The following ATP13A3 variants were observed in gnomAD, a reference collection of about 807,000 sequenced individuals.
ATP13A3 encodes ATPase 13A3.
A neutral mutation model predicts 158.1 loss-of-function variants in ATP13A3; 59 were observed. That is an observed-to-expected ratio of 0.37 (90% CI 0.30 to 0.46). The LOEUF (loss-of-function observed/expected upper bound fraction) is 0.46, where lower values mean the gene tolerates loss of function less well. Ranked by LOEUF, ATP13A3 falls within the 20% of genes least tolerant of loss-of-function variation. The probability of loss-of-function intolerance (pLI) is 1.00; values close to 1 mark genes in which losing one functional copy is unlikely to be tolerated. For synonymous variants in ATP13A3, 491 were observed against 504.3 expected, an observed-to-expected ratio of 0.97 and a Z score of 0.35; for missense variants, 1,166 against 1,525.2, an observed-to-expected ratio of 0.76 and a Z score of 3.92.
rs1414461117 is a variant in ATP13A3, at chr3:194,468,890, A to AT, written c.-46-6655dup. Among the ~76,000 whole-genome samples, 4 of 152,306 alleles carry AT rather than the reference A, an allele frequency of 2.6e-5. No individual in the cohort carries two copies. The East Asian group carries it at 7.7e-4, about 29-fold the overall frequency. On this transcript the variant is annotated intron_variant, in intron 2 of 33. Coordinates refer to ENST00000645319, the MANE Select transcript of ATP13A3 (RefSeq NM_001367549.1). ...AGTAAAAAACTAAAATTAAAAATGCATTATTCACCGAGGCGGGTGGAATGC... is the reference window on the plus strand; with the variant it reads ...AGTAAAAAACTAAAATTAAAAATGCATTTATTCACCGAGGCGGGTGGAATGC...
At chr3:194,459,192 C>T in intron 6 of ATP13A3, 1 of 369,904 alleles carries the variant, frequency 2.7e-6, no homozygotes, top group South Asian at 3.0e-5. Flanking sequence ...CTCAAAATCA[C>T]TTTGAGGTGA....
chr3:194,481,271 T>C (rs1720737752), intron 2 of ATP13A3, among the ~76,000 whole-genome samples: 1 of 150,996 alleles, frequency 6.6e-6, no homozygotes, highest in South Asian at 2.1e-4. Flanking sequence ...AAACCACCCT[T>C]AGACACATAT....
chr3:194,443,837 A>G (rs1192138142), intron 15 of ATP13A3, among the ~76,000 whole-genome samples: 1 of 152,188 alleles, frequency 6.6e-6, no homozygotes, highest in African/African-American at 2.4e-5. Context: ...AATACACAAT[A>G]TTGAAAAAGA....
At position 194,433,753 on chromosome 3, in the gene ATP13A3, T is replaced by A; in HGVS notation, c.2245+19A>T. 1.9e-6 allele frequency: 3 copies of A among 1,613,158 alleles called. No homozygotes were observed. Among genetic ancestry groups the A allele is most frequent in the Non-Finnish European group, 2.5e-6 (3 of 1,179,680 alleles). ...CTGTCACACTCCATTTGCTTCTGTG[T>A]TCTTTTATAAAGTCTAACCTGTGAC... is the stretch of plus-strand genomic sequence containing the variant. On this transcript the variant is annotated intron_variant, in intron 21 of 33. Coordinates refer to ENST00000645319, the MANE Select transcript of ATP13A3 (RefSeq NM_001367549.1).
chr3:194,421,328 C>T (rs1193190933), intron 30 of ATP13A3, among the ~76,000 whole-genome samples: 10 of 146,212 alleles, frequency 6.8e-5, no homozygotes, highest in African/African-American at 1.8e-4. Flanking sequence ...CCGAGGCGGG[C>T]GGATCACGAG....
chr3:194,455,757 C>T (rs919967016), intron 8 of ATP13A3, 136 bp downstream of exon 8: 5 of 626,068 alleles, frequency 8.0e-6, no homozygotes, highest in South Asian at 2.1e-5. Flanking sequence ...AAATGTCTTC[C>T]GTCTTTACCT....
chr3:194,431,663 C>T, intron 22 of ATP13A3, 54 bp downstream of exon 22: 4 of 1,416,630 alleles, frequency 2.8e-6, no homozygotes, highest in African/African-American at 1.5e-5. Context: ...TTTATTTTTT[C>T]AGACTAAATT....
At chr3:194,461,865 A>C (rs1209149832) in intron 3 of ATP13A3, among the ~76,000 whole-genome samples, 1 of 152,232 alleles carries the variant, frequency 6.6e-6, no homozygotes, top group Non-Finnish European at 1.5e-5. Flanking sequence ...TCTTTTATTT[A>C]GGATTATATT....
chr3:194,452,816 T>C (rs1034106733), intron 10 of ATP13A3: 3 of 152,156 alleles, frequency 2.0e-5, no homozygotes, highest in African/African-American at 7.2e-5. Context: ...GTAAATGAGC[T>C]CCCCTAATAC....
Position 194,459,838 on chromosome 3 carries a change from T to C in ATP13A3, c.359A>G (p.Glu120Gly). 4 of 1,613,474 alleles carry C rather than the reference T, an allele frequency of 2.5e-6. No individual in the cohort carries two copies. Among genetic ancestry groups the C allele is most frequent in the Non-Finnish European group, 3.4e-6 (4 of 1,179,690 alleles). ...TTTACTGATCCTGTGCCTATTTTCT[T>C]CAGTGGGATTCTCAATTAAACAAAC... ...HAVCLIENPT[E>G]ENRHRISKYS... The change falls in exon 5 of 34, where the codon GAA becomes GGA. Residue 120 changes from glutamate (E) to glycine (G), a missense_variant. By Grantham distance (98) the Glu-to-Gly change is moderately conservative. Coordinates refer to ENST00000645319, the MANE Select transcript of ATP13A3 (RefSeq NM_001367549.1).
At chr3:194,430,029 G>A (rs1234570977) in intron 26 of ATP13A3, 43 bp downstream of exon 26, 2 of 1,495,762 alleles carry the variant, frequency 1.3e-6, no homozygotes, top group East Asian at 2.3e-5. Context: ...TGTATTATCA[G>A]AGACAGAGAA....
In ATP13A3 at chr3:194,418,289, TAAAG is replaced by T. The variant is rs985151256; in HGVS notation, c.3402+1586_3402+1589del. On this transcript the variant is annotated intron_variant, in intron 31 of 33. Transcript: ENST00000645319. Reference sequence around the variant, plus strand: ...GCCAAACTGAGACACGAGGAACAAATAAAGAAAGAAATTAATAAATTTGCCATGT... The same window carrying T: ...GCCAAACTGAGACACGAGGAACAAATAAAGAAATTAATAAATTTGCCATGT... 1.7e-4 allele frequency among the ~76,000 whole-genome samples: 26 copies of T among 151,918 alleles called. No individual in the cohort carries two copies. The Middle Eastern group carries it at 0.01, about 60-fold the overall frequency.
chr3:194,439,078 T>C, intron 16 of ATP13A3, 106 bp from the exon 17 acceptor site: 1 of 639,834 alleles, frequency 1.6e-6, no homozygotes, highest in Non-Finnish European at 2.6e-6. Flanking sequence ...TATGGCCATT[T>C]TCAATAATTA....
At chr3:194,480,753 C>T (rs1720717826) in intron 2 of ATP13A3, among the ~76,000 whole-genome samples, 1 of 152,166 alleles carries the variant, frequency 6.6e-6, no homozygotes, top group Non-Finnish European at 1.5e-5. Flanking sequence ...CAACTACTTA[C>T]ACTCTGGGGG....
intron 2 of ATP13A3, among the ~76,000 whole-genome samples, chr3:194,477,262 G>A (rs754231037): frequency 6.6e-6 from 1 of 152,108 alleles, no homozygotes; most frequent in Non-Finnish European, 1.5e-5. Flanking sequence ...ACCTCTGCAG[G>A]TATCAGAGCA....
chr3:194,478,374 C>A (rs781603513), intron 2 of ATP13A3, among the ~76,000 whole-genome samples: 5 of 151,642 alleles, frequency 3.3e-5, no homozygotes, highest in Non-Finnish European at 7.4e-5. Context: ...ACAGAAAAGA[C>A]TTCAAAAAAG....
intron 33 of ATP13A3, among the ~76,000 whole-genome samples, chr3:194,410,506 C>A (rs182734281): frequency 6.6e-6 from 1 of 151,864 alleles, no homozygotes; most frequent in Admixed American, 6.6e-5. Context: ...GAGCTCGAGG[C>A]TACAGTGAGC....
At chr3:194,452,047 T>C (rs1324575898) in intron 10 of ATP13A3, 1 of 152,310 alleles carries the variant, frequency 6.6e-6, no homozygotes, top group Non-Finnish European at 1.5e-5. Flanking sequence ...ATTTTATCAC[T>C]CCTCTGCTTA....
intron 8 of ATP13A3, 142 bp from the exon 9 acceptor site, chr3:194,454,534 A>G: frequency 1.0e-6 from 1 of 988,084 alleles, no homozygotes; most frequent in South Asian, 1.6e-5. Flanking sequence ...GTACTTCCCT[A>G]AAAAGTAGGG....
Sources: gnomAD v4.1 joint callset for allele counts (sites outside exome capture counted in the v4.1 genomes callset) on GRCh38, gnomAD v4.1.1 for gene constraint, MANE v1.5 for transcripts, NCBI Gene and HGNC (gene_info 2026-07-23, HGNC 2026-07-21) for gene names.